Variants in ODR4 observed in about 807,000 individuals in gnomAD.
The protein encoded by ODR4 is odr-4 GPCR localization factor homolog.
A neutral mutation model predicts 60.2 loss-of-function variants in ODR4; 47 were observed. The ratio of observed to expected loss-of-function variants is 0.78; its 90% CI spans 0.62 to 1.00. ODR4 has a LOEUF of 1.00. ODR4 is among the 50% of genes least tolerant of loss of function. The pLI is 0.00. For missense variants in ODR4, 488 were observed against 530.8 expected (o/e 0.92, Z 0.79); for synonymous variants, 178 against 175.5 (o/e 1.01, Z -0.11).
chr1:186,430,148 A>G, the ODR4 span, among the ~76,000 whole-genome samples: 4 of 152,012 alleles, frequency 2.6e-5, no homozygotes, highest in African/African-American at 9.7e-5. Flanking sequence ...TATTATTCAT[A>G]AGGACACATA....
the ODR4 span, among the ~76,000 whole-genome samples, chr1:186,428,775 T>C: frequency 1.3e-5 from 2 of 152,264 alleles, no homozygotes; most frequent in African/African-American, 4.8e-5. Context: ...AATAATAATA[T>C]TGTGTTTCAG....
At chr1:186,418,090 G>T (rs1333738301) in intron 13 of ODR4, among the ~76,000 whole-genome samples, 1 of 152,070 alleles carries the variant, frequency 6.6e-6, no homozygotes, top group East Asian at 1.9e-4. Context: ...CAGAATTTTT[G>T]AACAAGGAAC....
intron 11 of ODR4, among the ~76,000 whole-genome samples, chr1:186,403,105 A>G (rs917309761): frequency 2.0e-4 from 31 of 152,326 alleles, no homozygotes; most frequent in African/African-American, 7.0e-4. Context: ...TTTCAAACAG[A>G]AATAAGATGT....
intron 11 of ODR4, among the ~76,000 whole-genome samples, chr1:186,399,990 C>CTTT (rs948511178): frequency 1.7e-4 from 19 of 112,036 alleles, no homozygotes; most frequent in South Asian, 2.9e-4. Context: ...TTTTTTTTTT[C>CTTT]TTTTTTTTTT....
At chr1:186,396,414 G>A (rs1185316265) in intron 9 of ODR4, among the ~76,000 whole-genome samples, 1 of 152,096 alleles carries the variant, frequency 6.6e-6, no homozygotes, top group Non-Finnish European at 1.5e-5. Context: ...TTCAAGATGA[G>A]TCTGAGCAAC....
chr1:186,388,971 G>A (rs962925639), intron 5 of ODR4, among the ~76,000 whole-genome samples: 1 of 152,108 alleles, frequency 6.6e-6, no homozygotes, highest in African/African-American at 2.4e-5. Flanking sequence ...ATAGGACATC[G>A]GAGAAATTCT....
rs113247382 is a variant in ODR4 at position 186,375,993 on chromosome 1, AGTGTGTGTGTGT to A, written c.-20+37_-20+48del. The A allele has an allele frequency of 1.7e-3, 265 of 158,500 alleles. 1 individual carries two copies. The highest frequency in any genetic ancestry group is 6.2e-3 in the African/African-American group (252 of 40,592). 9.8% of individuals were successfully genotyped at this position (158,500 alleles called of 1,614,324 possible). ...AAAACAGGTAAGTCAGCCTAAGTGTAGTGTGTGTGTGTGTGTGTGTGTGTGTGTGCTCTCTTT... is the reference window on the plus strand; with the variant it reads ...AAAACAGGTAAGTCAGCCTAAGTGTAGTGTGTGTGTGTGTGTGCTCTCTTT... On this transcript the variant is annotated intron_variant, in intron 1 of 13. Transcript: ENST00000287859.
At chr1:186,407,830 T>C (rs1192508333) in intron 12 of ODR4, among the ~76,000 whole-genome samples, 1 of 152,144 alleles carries the variant, frequency 6.6e-6, no homozygotes, top group Non-Finnish European at 1.5e-5. Flanking sequence ...AGATTAGGAA[T>C]TTTTAACCTG....
At chr1:186,394,108 A>T in intron 9 of ODR4, 93 bp downstream of exon 9, 1 of 767,128 alleles carries the variant, frequency 1.3e-6, no homozygotes, top group Non-Finnish European at 2.1e-6. Context: ...GAATAAAAGG[A>T]TTTTAGAGCT....
chr1:186,402,962 C>A (rs995023321), intron 11 of ODR4, among the ~76,000 whole-genome samples: 1 of 152,126 alleles, frequency 6.6e-6, no homozygotes, highest in East Asian at 1.9e-4. Flanking sequence ...GTTTGTAAGG[C>A]CCCTAATAAA....
At chr1:186,416,855 CAA>C (rs71104859) in intron 12 of ODR4, among the ~76,000 whole-genome samples, 9,707 of 85,538 alleles carry the variant, frequency 0.11, 370 homozygotes, top group East Asian at 0.39. Flanking sequence ...GATTCTGTCT[CAA>C]AAAAAAAAAA....
rs1661722661 is a variant in ODR4 at position 186,420,069 on chromosome 1, T to A, written c.*993T>A. ...TATTATAAAACAACTAGATCCTGAA[T>A]AAAATCTGCTTTTAATAGGTTCACT... is the stretch of plus-strand genomic sequence containing the variant. On this transcript the variant is annotated 3_prime_UTR_variant, in exon 14 of 14. Coordinates refer to ENST00000287859, the MANE Select transcript of ODR4 (RefSeq NM_017847.6). 1 of 152,222 alleles carries A rather than the reference T, an allele frequency of 6.6e-6. No individual in the cohort carries two copies. Among genetic ancestry groups the A allele is most frequent in the African/African-American group, 2.4e-5 (1 of 41,462 alleles). The allele number at this position is 152,222 out of a possible 1,614,324, so 9.4% of individuals were successfully genotyped here. A position where few individuals can be genotyped will look rare whatever the true frequency, so the allele number is the denominator to read the frequency against.
chr1:186,391,447 A>C (rs1247602770), intron 7 of ODR4, among the ~76,000 whole-genome samples: 2 of 150,408 alleles, frequency 1.3e-5, no homozygotes, highest in Non-Finnish European at 3.0e-5. Context: ...GTACTTAATA[A>C]CCTCCTGAGT....
At chr1:186,426,259 C>G (rs1661878053), downstream of ODR4, among the ~76,000 whole-genome samples, 1 of 152,176 alleles carries the variant, frequency 6.6e-6, no homozygotes, top group African/African-American at 2.4e-5. Flanking sequence ...AACAAACAAC[C>G]TCAAAACTTA....
At chr1:186,404,302 C>T (rs1331368418) in intron 11 of ODR4, among the ~76,000 whole-genome samples, 1 of 152,150 alleles carries the variant, frequency 6.6e-6, no homozygotes. Context: ...ACGAGTCTTA[C>T]TTAGATACTA....
chr1:186,403,594 C>G (rs1446173691), intron 11 of ODR4, among the ~76,000 whole-genome samples: 1 of 151,646 alleles, frequency 6.6e-6, no homozygotes, highest in Non-Finnish European at 1.5e-5. Flanking sequence ...CTTTATATAT[C>G]TGATCTCTAA....
chr1:186,406,401 TGA>T, intron 12 of ODR4, 133 bp downstream of exon 12: 1 of 553,456 alleles, frequency 1.8e-6, no homozygotes, highest in Non-Finnish European at 3.0e-6. Flanking sequence ...AAATATTAAC[TGA>T]GACATTTTAA....
chr1:186,433,645 A>G, the ODR4 span, among the ~76,000 whole-genome samples: 1 of 152,056 alleles, frequency 6.6e-6, no homozygotes, highest in Non-Finnish European at 1.5e-5. Flanking sequence ...CACTGGTGTG[A>G]TCTCAGCTCA....
intron 5 of ODR4, 102 bp downstream of exon 5, chr1:186,388,650 C>A: frequency 1.6e-6 from 1 of 608,872 alleles, no homozygotes; most frequent in Non-Finnish European, 2.7e-6. Flanking sequence ...AAAAAATAGG[C>A]ATAGTTTTGT....
Sources: gnomAD v4.1 joint callset for allele counts (sites outside exome capture counted in the v4.1 genomes callset) on GRCh38, gnomAD v4.1.1 for gene constraint, MANE v1.5 for transcripts, NCBI Gene and HGNC (gene_info 2026-07-23, HGNC 2026-07-21) for gene names.